The following MED12L variants were observed in gnomAD, a reference collection of about 807,000 sequenced individuals.
MED12L encodes the protein mediator complex subunit 12L, also known as mediator of RNA polymerase II transcription subunit 12-like protein.
In MED12L, 60 loss-of-function variants were observed where a neutral mutation model predicts 281.3. The ratio of observed to expected loss-of-function variants is 0.21; its 90% confidence interval spans 0.17 to 0.26. The LOEUF (loss-of-function observed/expected upper bound fraction) is 0.26, where lower values mean the gene tolerates loss of function less well. MED12L is among the 10% of genes least tolerant of loss of function. The pLI is 1.00. For missense variants in MED12L, 2,146 were observed against 2,680.9 expected (o/e 0.80, Z 4.41); for synonymous variants, 974 against 987.2 (o/e 0.99, Z 0.25).
Position 151,365,832 on chromosome 3 carries a change from C to T in MED12L, c.3186-18C>T. On this transcript the variant is annotated intron_variant, in intron 22 of 44. Transcript: ENST00000687756. ...TTTTGTACAAGGTTACTTTCTGTGT[C>T]TTCTTTTTCTTTTCTAGGATTAACG... 3 of 1,587,638 alleles carry T rather than the reference C, an allele frequency of 1.9e-6. No homozygotes were observed. The highest frequency in any genetic ancestry group is 2.6e-6 in the Non-Finnish European group (3 of 1,166,436).
At chr3:151,265,818 C>A (rs1274777931) in intron 16 of MED12L, among the ~76,000 whole-genome samples, 1 of 152,044 alleles carries the variant, frequency 6.6e-6, no homozygotes, top group Non-Finnish European at 1.5e-5. Flanking sequence ...TTTCTCCCTG[C>A]AAATTAAAGT....
intron 5 of MED12L, among the ~76,000 whole-genome samples, chr3:151,144,493 G>A (rs1188295645): frequency 6.6e-6 from 1 of 152,032 alleles, no homozygotes; most frequent in Non-Finnish European, 1.5e-5. Context: ...CTCCCTTGTC[G>A]ACCCCTCTCC....
At chr3:151,351,145 G>T (rs937887418) in intron 17 of MED12L, among the ~76,000 whole-genome samples, 1 of 152,150 alleles carries the variant, frequency 6.6e-6, no homozygotes, top group Non-Finnish European at 1.5e-5. Context: ...AGGAGATCCA[G>T]TTCCTAGACT....
chr3:151,374,659 A>T (rs1348084177), intron 27 of MED12L, among the ~76,000 whole-genome samples: 1 of 152,238 alleles, frequency 6.6e-6, no homozygotes, highest in Non-Finnish European at 1.5e-5. Context: ...CTAAGGGTTT[A>T]AAATACTGTG....
At position 151,380,211 on chromosome 3, in the gene MED12L, A is replaced by G; in HGVS notation, c.4577A>G (p.Asn1526Ser). 1 of 1,599,622 alleles carries G rather than the reference A, an allele frequency of 6.3e-7. No homozygotes were observed. Among genetic ancestry groups the G allele is most frequent in the Non-Finnish European group, 8.5e-7 (1 of 1,171,092 alleles). ...GAAGGCCTCCTAACATCTCTCCAGAATCAAGTTAACCAGGTAAAGTATAGT... is the reference window on the plus strand; with the variant it reads ...GAAGGCCTCCTAACATCTCTCCAGAGTCAAGTTAACCAGGTAAAGTATAGT... ...QREGLLTSLQ[N>S]QVNQILSNWR... The change falls in exon 32 of 45, where the codon AAT (asparagine) becomes AGT (serine). Residue 1526 changes from asparagine to serine, a missense_variant. Coordinates refer to ENST00000687756, the MANE Select transcript of MED12L (RefSeq NM_001393769.1).
chr3:151,411,126 A>G, intron 40 of MED12L, 152 bp from the exon 41 acceptor site: 2 of 633,942 alleles, frequency 3.2e-6, no homozygotes, highest in South Asian at 3.8e-5. Context: ...CATCCAGGGT[A>G]GTCCTCCTCA....
chr3:151,400,232 G>C (rs1189539471), intron 39 of MED12L, among the ~76,000 whole-genome samples: 9 of 152,252 alleles, frequency 5.9e-5, no homozygotes, highest in Non-Finnish European at 1.5e-5. Flanking sequence ...TTGATTTATG[G>C]TGTTGCTTTA....
chr3:151,256,780 T>G (rs901027400), intron 16 of MED12L, among the ~76,000 whole-genome samples: 3 of 151,476 alleles, frequency 2.0e-5, no homozygotes, highest in African/African-American at 7.3e-5. Context: ...TGTTAATACT[T>G]TGTTAGTTCA....
intron 11 of MED12L, among the ~76,000 whole-genome samples, chr3:151,183,731 C>T (rs1325341239): frequency 6.6e-6 from 1 of 152,178 alleles, no homozygotes; most frequent in Non-Finnish European, 1.5e-5. Flanking sequence ...TTAAATCTCA[C>T]ATAAAATCTT....
chr3:151,347,043 A>G (rs903906302), intron 16 of MED12L, among the ~76,000 whole-genome samples: 1 of 152,186 alleles, frequency 6.6e-6, no homozygotes, highest in African/African-American at 2.4e-5. Context: ...TGAGATGCAC[A>G]TTTACTCCTT....
At chr3:151,238,438 C>T (rs1411757088) in intron 16 of MED12L, among the ~76,000 whole-genome samples, 6 of 152,236 alleles carry the variant, frequency 3.9e-5, no homozygotes, top group Non-Finnish European at 5.9e-5. Context: ...TGAGCCACCG[C>T]GCCCAGCCTG....
At chr3:151,153,973 C>T (rs1485367574) in intron 5 of MED12L, among the ~76,000 whole-genome samples, 3 of 152,124 alleles carry the variant, frequency 2.0e-5, no homozygotes, top group Admixed American at 6.6e-5. Context: ...TAAAAGTTCC[C>T]GTCACCATTC....
chr3:151,259,648 T>G (rs1738493323), intron 16 of MED12L, among the ~76,000 whole-genome samples: 1 of 152,146 alleles, frequency 6.6e-6, no homozygotes, highest in Non-Finnish European at 1.5e-5. Context: ...GATAGGTAGG[T>G]TTTACTTTGT....
At chr3:151,211,367 GT>G (rs796470169) in intron 16 of MED12L, among the ~76,000 whole-genome samples, 53 of 126,732 alleles carry the variant, frequency 4.2e-4, no homozygotes, top group East Asian at 1.4e-3. Context: ...CACTGCCTTT[GT>G]TTTTTTTTTT....
At chr3:151,367,792 T>A in intron 24 of MED12L, 26 bp downstream of exon 24, 1 of 1,581,806 alleles carries the variant, frequency 6.3e-7, no homozygotes, top group East Asian at 2.3e-5. Flanking sequence ...TGAACATCCG[T>A]TGCTCTTTGA....
At position 151,152,085 on chromosome 3, in the gene MED12L, G is replaced by GTTTTTTTTTTT. The variant is rs141353889; in HGVS notation, c.557-4055_557-4045dup. Among the ~76,000 whole-genome samples the GTTTTTTTTTTT allele has an allele frequency of 1.0e-3, 64 of 63,020 alleles. 2 individuals are homozygous for GTTTTTTTTTTT. The highest frequency in any genetic ancestry group is 3.9e-3 in the African/African-American group (62 of 16,010). The allele number at this position is 63,020 out of a possible 152,430, so 41.3% of individuals were successfully genotyped here. On this transcript the variant is annotated intron_variant, in intron 5 of 44. Coordinates refer to ENST00000687756, the MANE Select transcript of MED12L (RefSeq NM_001393769.1). ...AAGAATTGTGGATCAGTTGAAGGTG[G>GTTTTTTTTTTT]TTTTTTTTTTTTTTTTTTTTTTTTT...
chr3:151,411,555 C>A, intron 41 of MED12L, 48 bp downstream of exon 41: 1 of 1,541,510 alleles, frequency 6.5e-7, no homozygotes, highest in South Asian at 1.1e-5. Context: ...GTCACATTCT[C>A]GGGTTTCTTA....
intron 16 of MED12L, chr3:151,269,776 G>T: frequency 2.4e-6 from 1 of 419,830 alleles, no homozygotes; most frequent in South Asian, 1.8e-5. Context: ...TCTATTTTTA[G>T]AGTCCACTGA....
rs376666592 is a variant in MED12L, at chr3:151,127,899, G to A, written c.471G>A (p.Thr157=). 1.3e-5 allele frequency: 21 copies of A among 1,613,720 alleles called. No homozygotes were observed. The highest frequency in any genetic ancestry group is 1.1e-4 in the South Asian group (10 of 91,082). ...ATTCTGTGCCAATGGTTCGAGCAACGTGGCTGATCAAGATGACTTGTGCCT... is the reference window on the plus strand; with the variant it reads ...ATTCTGTGCCAATGGTTCGAGCAACATGGCTGATCAAGATGACTTGTGCCT... ...AKYSVPMVRA[T]WLIKMTCAYY... Residue 157 remains threonine, a synonymous_variant, in exon 5 of 45, where the codon ACG becomes ACA. Transcript: ENST00000687756.
Sources: allele counts gnomAD v4.1 joint callset (sites outside exome capture counted in the v4.1 genomes callset), GRCh38; gene constraint gnomAD v4.1.1; transcripts MANE v1.5; gene names NCBI Gene and HGNC (gene_info 2026-07-23, HGNC 2026-07-21).